Variants in GRHL2 observed in about 807,000 individuals in gnomAD.
The protein encoded by GRHL2 is grainyhead-like protein 2 homolog.
A neutral mutation model predicts 83.8 loss-of-function variants in GRHL2; 21 were observed. That is an observed-to-expected ratio of 0.25 (90% CI 0.18 to 0.36). The LOEUF is 0.36. GRHL2 is among the 10% of genes least tolerant of loss of function. GRHL2 has a pLI of 1.00. For missense variants in GRHL2, 623 were observed against 781.8 expected (o/e 0.80, Z 2.42); for synonymous variants, 280 against 278.9 (o/e 1.00, Z -0.04).
In GRHL2 at chr8:101,630,688, G is replaced by C. The variant is rs60656483; in HGVS notation, c.1258-949G>C. 2.0e-5 allele frequency among the ~76,000 whole-genome samples: 3 copies of C among 152,304 alleles called. No individual in the cohort carries two copies. In the East Asian group the frequency reaches 5.8e-4, roughly 29 times the overall value. ...TCTGAAACTTAGGGAAGGAGTTTAGGTTGGAGATGTTGATCAGAGTGTCAC... is the reference window on the plus strand; with the variant it reads ...TCTGAAACTTAGGGAAGGAGTTTAGCTTGGAGATGTTGATCAGAGTGTCAC... On this transcript the variant is annotated intron_variant, in intron 9 of 15. Coordinates refer to ENST00000646743, the MANE Select transcript of GRHL2 (RefSeq NM_024915.4).
chr8:101,521,537 T>C (rs190446716), intron 1 of GRHL2, among the ~76,000 whole-genome samples: 9 of 152,150 alleles, frequency 5.9e-5, no homozygotes, highest in African/African-American at 2.2e-4. Context: ...TATATTCTTC[T>C]GTCAGAGCTT....
chr8:101,505,359 C>T (rs1810316636), intron 1 of GRHL2, among the ~76,000 whole-genome samples: 1 of 152,098 alleles, frequency 6.6e-6, no homozygotes, highest in South Asian at 2.1e-4. Context: ...GGGTGGATCA[C>T]CTTAGGTCGG....
At chr8:101,629,587 C>A (rs1237708008) in intron 9 of GRHL2, among the ~76,000 whole-genome samples, 1 of 152,026 alleles carries the variant, frequency 6.6e-6, no homozygotes, top group Non-Finnish European at 1.5e-5. Context: ...ACTCAGAAAT[C>A]AAATTCCTTG....
chr8:101,584,720 T>A (rs1183896033), intron 7 of GRHL2, among the ~76,000 whole-genome samples: 1 of 151,960 alleles, frequency 6.6e-6, no homozygotes, highest in Non-Finnish European at 1.5e-5. Flanking sequence ...TGCAGAAAAG[T>A]GGGAGGGTGG....
intron 3 of GRHL2, among the ~76,000 whole-genome samples, chr8:101,555,805 T>C (rs759855699): frequency 6.6e-6 from 1 of 152,214 alleles, no homozygotes; most frequent in Non-Finnish European, 1.5e-5. Flanking sequence ...GCTGTGTTCA[T>C]GTGGAGAAAT....
chr8:101,578,804 G>A (rs1311407190), intron 7 of GRHL2, among the ~76,000 whole-genome samples: 2 of 152,142 alleles, frequency 1.3e-5, no homozygotes, highest in African/African-American at 4.8e-5. Context: ...TTTCACCCTG[G>A]CTAGGACTTC....
At chr8:101,671,236 G>T (rs538104391), downstream of GRHL2, among the ~76,000 whole-genome samples, 41 of 152,342 alleles carry the variant, frequency 2.7e-4, no homozygotes, top group East Asian at 7.5e-3. Flanking sequence ...CCTCACTCGG[G>T]AAGCGCAAGG....
intron 8 of GRHL2, among the ~76,000 whole-genome samples, chr8:101,606,970 T>C (rs542311016): frequency 5.3e-5 from 8 of 152,366 alleles, no homozygotes; most frequent in African/African-American, 1.9e-4. Context: ...GTGTTCTCAC[T>C]TCTCATACGC....
intron 9 of GRHL2, among the ~76,000 whole-genome samples, chr8:101,624,180 A>G (rs1396130786): frequency 6.6e-6 from 1 of 151,806 alleles, no homozygotes; most frequent in Non-Finnish European, 1.5e-5. Flanking sequence ...TTCACAGTAC[A>G]CAGTACACAG....
At chr8:101,515,176 G>GCACACACACACA (rs4002325) in intron 1 of GRHL2, among the ~76,000 whole-genome samples, 3,111 of 144,512 alleles carry the variant, frequency 0.022, 60 homozygotes, top group Middle Eastern at 0.028. Flanking sequence ...CTGTCTCTCT[G>GCACACACACACA]CACACACACA....
In GRHL2 at chr8:101,495,030, T is replaced by G. The variant is rs371833296; in HGVS notation, c.20+2241T>G. On this transcript the variant is annotated intron_variant, in intron 1 of 15. Coordinates refer to ENST00000646743, the MANE Select transcript of GRHL2 (RefSeq NM_024915.4). ...CAATACATGACTTCTGGATCATTTT[T>G]GCGAATTCTAGCCTCGTTTTCTTAA... Among the ~76,000 whole-genome samples the G allele has an allele frequency of 7.2e-5, 11 of 152,360 alleles. No homozygotes were observed. The East Asian group carries it at 1.5e-3, about 21-fold the overall frequency.
chr8:101,671,371 C>T (rs963546630), downstream of GRHL2, among the ~76,000 whole-genome samples: 3 of 152,210 alleles, frequency 2.0e-5, no homozygotes, highest in Non-Finnish European at 4.4e-5. Context: ...ATATCCCGCA[C>T]GTGGCTCGGA....
chr8:101,636,871 A>C, intron 11 of GRHL2, 26 bp from the exon 12 acceptor site: 1 of 1,608,882 alleles, frequency 6.2e-7, no homozygotes, highest in African/African-American at 1.3e-5. Context: ...TCTGACCTAC[A>C]GTAAGCCTAT....
intron 8 of GRHL2, among the ~76,000 whole-genome samples, chr8:101,613,494 T>C (rs1812793435): frequency 6.6e-6 from 1 of 150,954 alleles, no homozygotes; most frequent in Non-Finnish European, 1.5e-5. Flanking sequence ...AGAGAAGATA[T>C]TAAATCACTA....
chr8:101,509,340 G>A (rs765175025), intron 1 of GRHL2, among the ~76,000 whole-genome samples: 4 of 150,272 alleles, frequency 2.7e-5, no homozygotes, highest in Non-Finnish European at 5.9e-5. Flanking sequence ...AAGGCTCCAG[G>A]GCCCTGCAAT....
At chr8:101,493,454 G>C (rs1331848063) in intron 1 of GRHL2, among the ~76,000 whole-genome samples, 1 of 144,994 alleles carries the variant, frequency 6.9e-6, no homozygotes, top group Non-Finnish European at 1.5e-5. Flanking sequence ...CCTCCCCCGG[G>C]TCCGCCCCCG....
chr8:101,574,626 A>T (rs1427832036), intron 6 of GRHL2, among the ~76,000 whole-genome samples: 1 of 152,232 alleles, frequency 6.6e-6, no homozygotes, highest in African/African-American at 2.4e-5. Context: ...TGGTGTGCCT[A>T]CAGCGCCACA....
chr8:101,666,423 A>G (rs992810965), intron 15 of GRHL2, among the ~76,000 whole-genome samples, 166 bp from the exon 16 acceptor site: 1 of 152,094 alleles, frequency 6.6e-6, no homozygotes, highest in Admixed American at 6.5e-5. Flanking sequence ...TGGGCAAAGA[A>G]AACAGAATGA....
intron 9 of GRHL2, among the ~76,000 whole-genome samples, chr8:101,621,733 C>CA (rs997513397): frequency 2.0e-5 from 3 of 151,744 alleles, no homozygotes; most frequent in African/African-American, 4.8e-5. Context: ...CCTGTCTCTA[C>CA]AAAAAAATGT....
Sources: gnomAD v4.1 joint callset for allele counts (sites outside exome capture counted in the v4.1 genomes callset) on GRCh38, gnomAD v4.1.1 for gene constraint, MANE v1.5 for transcripts, NCBI Gene and HGNC (gene_info 2026-07-23, HGNC 2026-07-21) for gene names.